The following MRPL47 variants were observed in gnomAD, a reference collection of about 807,000 sequenced individuals.
MRPL47 encodes large ribosomal subunit protein uL29m.
MRPL47 carries 31 observed loss-of-function variants against 34.0 expected under a neutral mutation model. The observed-to-expected ratio is 0.91, with a 90% CI of 0.68 to 1.23. The LOEUF (loss-of-function observed/expected upper bound fraction) is 1.23, where lower values mean the gene tolerates loss of function less well. Among genes scored for constraint, MRPL47 ranks in the 50% most tolerant of loss-of-function variants. The pLI is 0.00. For synonymous variants in MRPL47, 106 were observed against 101.6 expected, an observed-to-expected ratio of 1.04 and a Z score of -0.26; for missense variants, 328 against 285.8, an observed-to-expected ratio of 1.15 and a Z score of -1.07.
intron 4 of MRPL47, among the ~76,000 whole-genome samples, chr3:179,594,348 G>A (rs1166363214): frequency 2.6e-5 from 4 of 152,166 alleles, no homozygotes; most frequent in Non-Finnish European, 5.9e-5. Flanking sequence ...CTACTACAGG[G>A]AAAGGAATAG....
intron 2 of MRPL47, 31 bp from the exon 3 acceptor site, chr3:179,601,821 A>G: frequency 1.3e-6 from 2 of 1,526,048 alleles, no homozygotes; most frequent in Non-Finnish European, 1.8e-6. Flanking sequence ...ATGAAATAAC[A>G]TTTCTAGCCA....
In MRPL47 at chr3:179,593,841, G is replaced by A. The variant is rs777583341; in HGVS notation, c.457C>T (p.Leu153=). Residue 153 remains leucine, a synonymous_variant, in exon 5 of 7, where the codon CTA becomes TTA. Coordinates refer to ENST00000476781, the MANE Select transcript of MRPL47 (RefSeq NM_020409.3). ...TCTTGACCAGTCTGAAGAAGCCTTA[G>A]GGCATCTTCTCTTTCCTGGACAACT... ...DKVVQEREDA[L]RLLQTGQERA... The A allele has an allele frequency of 2.5e-6, 4 of 1,612,456 alleles. No homozygotes were observed. The highest frequency in any genetic ancestry group is 1.7e-5 in the Admixed American group (1 of 59,974).
In MRPL47 at chr3:179,602,659, T is replaced by C. The variant is rs1287629700; in HGVS notation, c.237A>G (p.Val79=). 1.2e-6 allele frequency: 2 copies of C among 1,609,616 alleles called. No homozygotes were observed. Among genetic ancestry groups the C allele is most frequent in the Non-Finnish European group, 1.7e-6 (2 of 1,178,250 alleles). Residue 79 remains valine (V), a synonymous_variant, in exon 2 of 7, where the codon GTA becomes GTG. Coordinates refer to ENST00000476781, the MANE Select transcript of MRPL47 (RefSeq NM_020409.3). ...CAAATCCAAGTATCTCACCAGATTT[T>C]ACTTTTTCTTGCCCCCAGTTTTTTG... ...DDPKNWGQEK[V]KSGAAWTCQQ...
chr3:179,598,420 A>ACACC, intron 4 of MRPL47, among the ~76,000 whole-genome samples: 1 of 142,552 alleles, frequency 7.0e-6, no homozygotes, highest in African/African-American at 2.7e-5. Flanking sequence ...ACACACACAC[A>ACACC]CACACAAACA....
At chr3:179,595,409 C>T (rs1718770165) in intron 4 of MRPL47, among the ~76,000 whole-genome samples, 2 of 152,194 alleles carry the variant, frequency 1.3e-5, no homozygotes, top group South Asian at 4.1e-4. Flanking sequence ...AAATGCCTTA[C>T]AGTAGCTGAA....
chr3:179,593,752 G>T lies in MRPL47; in HGVS notation c.533+13C>A, dbSNP rs765768228. ...ACTCTCATCTTAGAAGAGCCACAGT[G>T]TTAACTACATACCAGATGATTCTTC... On this transcript the variant is annotated intron_variant, in intron 5 of 6. Transcript: ENST00000476781. The T allele has an allele frequency of 6.2e-7, 1 of 1,609,936 alleles. No homozygotes were observed. The highest frequency in any genetic ancestry group is 1.7e-5 in the Admixed American group (1 of 59,152).
rs1479306601 is a variant in MRPL47 at position 179,604,628 on chromosome 3, T to G, written c.-4A>C. Reference sequence around the variant, plus strand: ...GGGCCAAACCGGCCGCAGCCATGTTTTCGCATAACTGGCAAAACGCGTTTC... The same window carrying G: ...GGGCCAAACCGGCCGCAGCCATGTTGTCGCATAACTGGCAAAACGCGTTTC... On this transcript the variant is annotated 5_prime_UTR_variant, in exon 1 of 7. Transcript: ENST00000476781. The G allele has an allele frequency of 8.7e-6, 14 of 1,614,166 alleles. No homozygotes were observed. Among genetic ancestry groups the G allele is most frequent in the Non-Finnish European group, 1.2e-5 (14 of 1,180,020 alleles).
At chr3:179,599,279 A>T (rs1262615192) in intron 3 of MRPL47, among the ~76,000 whole-genome samples, 1 of 152,162 alleles carries the variant, frequency 6.6e-6, no homozygotes, top group East Asian at 1.9e-4. Context: ...TAAACCTTCC[A>T]TTTGCCACAT....
At chr3:179,594,823 T>G (rs755808993) in intron 4 of MRPL47, among the ~76,000 whole-genome samples, 2 of 152,124 alleles carry the variant, frequency 1.3e-5, no homozygotes, top group Non-Finnish European at 2.9e-5. Context: ...TGTTGGGGAT[T>G]GTAATGTGAG....
intron 4 of MRPL47, among the ~76,000 whole-genome samples, chr3:179,597,889 TG>T (rs1282037578): frequency 6.6e-6 from 1 of 152,202 alleles, no homozygotes; most frequent in African/African-American, 2.4e-5. Flanking sequence ...CACTTAAAAA[TG>T]GTCAAGACAG....
rs1449129722 is a variant in MRPL47, at chr3:179,588,751, A to G, written c.*121T>C. 18 of 955,908 alleles carry G rather than the reference A, an allele frequency of 1.9e-5. No homozygotes were observed. Among genetic ancestry groups the G allele is most frequent in the Non-Finnish European group, 2.6e-5 (17 of 650,742 alleles). The allele number at this position is 955,908 out of a possible 1,614,324, so 59.2% of individuals were successfully genotyped here. The stretch of plus-strand genomic sequence containing the variant: ...AGCATGCCATATTCACACTTAGAAC[A>G]ACTGATTAGTAAAGTCACTTGACTA... On this transcript the variant is annotated 3_prime_UTR_variant, in exon 7 of 7. Transcript: ENST00000476781.
chr3:179,602,593 CGGG>C, intron 2 of MRPL47, 56 bp downstream of exon 2: 1 of 806,256 alleles, frequency 1.2e-6, no homozygotes, highest in South Asian at 1.8e-5. Context: ...GATGGTTGGG[CGGG>C]GCGGGGGGGG....
intron 3 of MRPL47, among the ~76,000 whole-genome samples, chr3:179,599,167 C>CAAAAAAAAA (rs765240584): frequency 8.6e-6 from 1 of 116,318 alleles, no homozygotes. Flanking sequence ...GATCTTGCTT[C>CAAAAAAAAA]AAAAAAAAAA....
At chr3:179,602,885 T>A in intron 1 of MRPL47, 88 bp from the exon 2 acceptor site, 1 of 1,086,636 alleles carries the variant, frequency 9.2e-7, no homozygotes, top group Non-Finnish European at 1.3e-6. Context: ...ACATAATCAT[T>A]TTGTCATCGA....
chr3:179,604,405 TC>T lies in MRPL47; in HGVS notation c.98+121del, dbSNP rs1719008812. On this transcript the variant is annotated intron_variant, in intron 1 of 6. Transcript: ENST00000476781. ...TCACTCACTCCTCACCAAAGTGGGCTCCGGCTCTGCCATCCAGGCGGCCGTT... is the reference window on the plus strand; with the variant it reads ...TCACTCACTCCTCACCAAAGTGGGCTCGGCTCTGCCATCCAGGCGGCCGTT... The T allele has an allele frequency of 3.4e-6, 3 of 886,256 alleles. No homozygotes were observed. In the South Asian group the frequency reaches 4.8e-5, roughly 14 times the overall value. 54.9% of individuals were successfully genotyped at this position (886,256 alleles called of 1,614,324 possible).
chr3:179,598,559 T>TA lies in MRPL47; in HGVS notation c.402+115dup. 3 of 698,432 alleles carry TA rather than the reference T, an allele frequency of 4.3e-6. No individual in the cohort carries two copies. The South Asian group carries it at 4.9e-5, about 11-fold the overall frequency. 43.3% of individuals were successfully genotyped at this position (698,432 alleles called of 1,614,324 possible). Reference sequence around the variant, plus strand: ...TGATGGTTGCACTACTCAAATTTACTAAAAATCAAACGAATAAGAAAAAAA... The same window carrying TA: ...TGATGGTTGCACTACTCAAATTTACTAAAAAATCAAACGAATAAGAAAAAAA... On this transcript the variant is annotated intron_variant, in intron 4 of 6. Coordinates refer to ENST00000476781, the MANE Select transcript of MRPL47 (RefSeq NM_020409.3).
At chr3:179,600,123 A>AG (rs1208155637) in intron 3 of MRPL47, among the ~76,000 whole-genome samples, 5 of 151,872 alleles carry the variant, frequency 3.3e-5, no homozygotes, top group Non-Finnish European at 5.9e-5. Flanking sequence ...TTTGTCTCAA[A>AG]AAAAAAAAAA....
At chr3:179,601,083 G>A (rs1718915155) in intron 3 of MRPL47, among the ~76,000 whole-genome samples, 1 of 152,108 alleles carries the variant, frequency 6.6e-6, no homozygotes, top group Non-Finnish European at 1.5e-5. Flanking sequence ...AAAGATTACA[G>A]ATCATGAAAA....
At chr3:179,595,171 A>C (rs1718765645) in intron 4 of MRPL47, among the ~76,000 whole-genome samples, 1 of 151,994 alleles carries the variant, frequency 6.6e-6, no homozygotes, top group South Asian at 2.1e-4. Flanking sequence ...TCAGCCTCCC[A>C]AGTAGCTGGG....
Sources: gnomAD v4.1 joint callset for allele counts (sites outside exome capture counted in the v4.1 genomes callset) on GRCh38, gnomAD v4.1.1 for gene constraint, MANE v1.5 for transcripts, NCBI Gene and HGNC (gene_info 2026-07-23, HGNC 2026-07-21) for gene names.